ABCA13: variants seen among roughly 807,000 people sequenced by gnomAD.
ABCA13 encodes the protein ATP binding cassette subfamily A member 13.
A neutral mutation model predicts 478.7 loss-of-function variants in ABCA13; 476 were observed. That is an observed-to-expected ratio of 0.99 (90% CI 0.92 to 1.07). The LOEUF is 1.07. Among genes scored for constraint, ABCA13 ranks in the 50% least tolerant of loss-of-function variants. The pLI is 0.00. For synonymous variants in ABCA13, 2,252 were observed against 2,158.9 expected (o/e 1.04, Z -1.20); for missense variants, 6,060 against 5,910.6 (o/e 1.03, Z -0.83).
rs188702317 is a variant in ABCA13 at position 48,239,533 on chromosome 7, G to A, written c.1062+128G>A. 1.2e-5 allele frequency: 13 copies of A among 1,119,242 alleles called. No individual in the cohort carries two copies. In the African/African-American group the frequency reaches 1.3e-4, roughly 11 times the overall value. The allele number at this position is 1,119,242 out of a possible 1,614,324, so 69.3% of individuals were successfully genotyped here. A position where few individuals can be genotyped will look rare whatever the true frequency, so the allele number is the denominator to read the frequency against. ...TCCCTCCAAGGAAAGGGCCTTAGGA[G>A]CCCCACATCCTGGCCATTGAGTGCA... On this transcript the variant is annotated intron_variant, in intron 9 of 61. Coordinates refer to ENST00000435803, the MANE Select transcript of ABCA13 (RefSeq NM_152701.5).
At chr7:48,371,175 A>G (rs1200690549) in intron 32 of ABCA13, among the ~76,000 whole-genome samples, 1 of 152,164 alleles carries the variant, frequency 6.6e-6, no homozygotes, top group Non-Finnish European at 1.5e-5. Flanking sequence ...TGTTTTGGTT[A>G]CTGTAGCTTT....
At chr7:48,435,100 T>C (rs1415991060) in intron 42 of ABCA13, among the ~76,000 whole-genome samples, 5 of 151,890 alleles carry the variant, frequency 3.3e-5, no homozygotes, top group Admixed American at 3.3e-4. Flanking sequence ...TGGGTGGTAT[T>C]GATATCTCAA....
rs759556012 is a variant in ABCA13 at position 48,279,441 on chromosome 7, C to T, written c.8247C>T (p.Asn2749=). 2 of 1,606,894 alleles carry T rather than the reference C, an allele frequency of 1.2e-6. No homozygotes were observed. The highest frequency in any genetic ancestry group is 1.1e-5 in the South Asian group (1 of 90,074). ...TCACCTTAGAAGCTCTTTGGAAAAA[C>T]TTAAAGAAAGATAATTGGAATGTTT... ...ICLTLEALWK[N]LKKDNWNVSN... is the part of the protein sequence containing the mutation. The change falls in exon 18 of 62, where the codon AAC becomes AAT. Residue 2749 remains asparagine, a synonymous_variant. Transcript: ENST00000435803.
intron 27 of ABCA13, among the ~76,000 whole-genome samples, chr7:48,319,250 C>T (rs1467597318): frequency 6.6e-6 from 1 of 152,164 alleles, no homozygotes; most frequent in Non-Finnish European, 1.5e-5. Context: ...CTGGTTTTTG[C>T]TTAGCCCCTT....
intron 35 of ABCA13, among the ~76,000 whole-genome samples, chr7:48,385,890 T>A (rs201019382): frequency 1.3e-5 from 2 of 152,232 alleles, no homozygotes; most frequent in Non-Finnish European, 2.9e-5. Flanking sequence ...TGGTTTCGAT[T>A]TGCATTTCTC....
intron 1 of ABCA13, among the ~76,000 whole-genome samples, chr7:48,179,879 T>C (rs1452789985): frequency 6.6e-6 from 1 of 152,176 alleles, no homozygotes; most frequent in Non-Finnish European, 1.5e-5. Flanking sequence ...ATCATGCACC[T>C]GAGCCCAGGA....
chr7:48,645,260 A>T (rs1410120527), intron 61 of ABCA13, among the ~76,000 whole-genome samples, 157 bp from the exon 62 acceptor site: 1 of 152,148 alleles, frequency 6.6e-6, no homozygotes, highest in Non-Finnish European at 1.5e-5. Context: ...CAATGGATTT[A>T]TATATTTATG....
chr7:48,289,628 G>A (rs1798234528), intron 20 of ABCA13, among the ~76,000 whole-genome samples: 1 of 151,992 alleles, frequency 6.6e-6, no homozygotes, highest in Admixed American at 6.6e-5. Context: ...CAAAGTGCTG[G>A]GATTACAGGC....
chr7:48,611,815 T>G (rs1270771716), intron 58 of ABCA13: 2 of 152,212 alleles, frequency 1.3e-5, no homozygotes, highest in African/African-American at 4.8e-5. Flanking sequence ...TTTAAGAAAC[T>G]AATATATAAG....
At chr7:48,294,220 G>C (rs927974517) in intron 20 of ABCA13, among the ~76,000 whole-genome samples, 1 of 151,938 alleles carries the variant, frequency 6.6e-6, no homozygotes, top group Non-Finnish European at 1.5e-5. Context: ...TGTGTCGTGC[G>C]TGTGTGTTAA....
chr7:48,509,448 C>T (rs529295236), intron 50 of ABCA13, among the ~76,000 whole-genome samples: 25 of 152,266 alleles, frequency 1.6e-4, no homozygotes, highest in African/African-American at 6.0e-4. Flanking sequence ...ACACAGGGGG[C>T]CACGTTTCTA....
chr7:48,323,821 A>G (rs1421300853), intron 27 of ABCA13, among the ~76,000 whole-genome samples: 2 of 152,140 alleles, frequency 1.3e-5, no homozygotes, highest in African/African-American at 4.8e-5. Context: ...AGGTGGAGAT[A>G]ACTGAATCAC....
In ABCA13 at chr7:48,455,758, G is replaced by T. The variant is rs114868386; in HGVS notation, c.12815+472G>T. ...CTGCGGAGAAACGTATGACAGCACG[G>T]AAGGGATGGAAGCCCTGAGCCTCCC... On this transcript the variant is annotated intron_variant, in intron 43 of 61. Transcript: ENST00000435803. Among the ~76,000 whole-genome samples the T allele has an allele frequency of 8.7e-3, 1,330 of 152,374 alleles. 18 individuals are homozygous for T. Among genetic ancestry groups the T allele is most frequent in the African/African-American group, 0.031 (1,278 of 41,588 alleles).
intron 58 of ABCA13, among the ~76,000 whole-genome samples, chr7:48,597,697 T>C (rs1285733287): frequency 6.6e-6 from 1 of 152,254 alleles, no homozygotes; most frequent in African/African-American, 2.4e-5. Flanking sequence ...GCTGTTAGAA[T>C]CTTTTCATGT....
In ABCA13 at chr7:48,297,212, T is replaced by C; in HGVS notation, c.9120-20T>C. 6.3e-7 allele frequency: 1 copy of C among 1,583,210 alleles called. No homozygotes were observed. Among genetic ancestry groups the C allele is most frequent in the Non-Finnish European group, 8.6e-7 (1 of 1,162,182 alleles). On this transcript the variant is annotated intron_variant, in intron 21 of 61. Transcript: ENST00000435803. ...ATGTTTTAGCTTGCCTAATTTAGCT[T>C]TAATTTTCTGCCATTTTAGGTTGGC...
At chr7:48,404,865 A>G (rs970460543) in intron 39 of ABCA13, among the ~76,000 whole-genome samples, 4 of 152,196 alleles carry the variant, frequency 2.6e-5, no homozygotes, top group African/African-American at 4.8e-5. Flanking sequence ...CTGTCCCACA[A>G]TTTTGTTGGA....
intron 42 of ABCA13, among the ~76,000 whole-genome samples, chr7:48,447,504 T>A (rs1267978009): frequency 6.6e-6 from 1 of 152,214 alleles, no homozygotes; most frequent in Admixed American, 6.5e-5. Flanking sequence ...TGTTTTTAAC[T>A]CTGAAAATCA....
intron 29 of ABCA13, among the ~76,000 whole-genome samples, chr7:48,349,241 T>C (rs1348742637): frequency 6.6e-6 from 1 of 152,238 alleles, no homozygotes; most frequent in African/African-American, 2.4e-5. Context: ...CACTCATGTC[T>C]TGGCCTGAGA....
At chr7:48,377,465 A>G (rs1262034972) in intron 35 of ABCA13, among the ~76,000 whole-genome samples, 1 of 152,224 alleles carries the variant, frequency 6.6e-6, no homozygotes, top group Non-Finnish European at 1.5e-5. Context: ...CTAATCTTAT[A>G]CAAATGAAAA....
Sources: allele counts gnomAD v4.1 joint callset (sites outside exome capture counted in the v4.1 genomes callset), GRCh38; gene constraint gnomAD v4.1.1; transcripts MANE v1.5; gene names NCBI Gene and HGNC (gene_info 2026-07-23, HGNC 2026-07-21).